Variants in RORA observed in about 807,000 individuals in gnomAD.
RORA encodes the protein RAR related orphan receptor A, also known as nuclear receptor ROR-alpha.
RORA carries 7 observed loss-of-function variants against 69.5 expected under a neutral mutation model. That is an observed-to-expected ratio of 0.10 (90% confidence interval 0.06 to 0.19). RORA has a LOEUF of 0.19. Among genes scored for constraint, RORA ranks in the 10% least tolerant of loss-of-function variants. The pLI is 1.00. For missense variants in RORA, 457 were observed against 663.0 expected (o/e 0.69, Z 3.41); for synonymous variants, 261 against 240.8 (o/e 1.08, Z -0.78).
At chr15:60,986,830 G>A (rs1288459589) in intron 1 of RORA, among the ~76,000 whole-genome samples, 1 of 152,214 alleles carries the variant, frequency 6.6e-6, no homozygotes, top group African/African-American at 2.4e-5. Flanking sequence ...CAACTTCCAC[G>A]TTTTCCTGAA....
chr15:60,722,960 C>G (rs1192888988), intron 1 of RORA, among the ~76,000 whole-genome samples: 1 of 152,074 alleles, frequency 6.6e-6, no homozygotes, highest in Non-Finnish European at 1.5e-5. Context: ...TGCCACTGAC[C>G]CTTGAGTTTA....
intron 2 of RORA, among the ~76,000 whole-genome samples, chr15:60,614,550 A>G (rs2069179509): frequency 6.6e-6 from 1 of 152,180 alleles, no homozygotes; most frequent in Non-Finnish European, 1.5e-5. Context: ...AAAGCATTCA[A>G]GGGTTTGGAA....
intron 3 of RORA, among the ~76,000 whole-genome samples, chr15:60,521,583 G>A (rs1245571932): frequency 1.3e-5 from 2 of 152,056 alleles, no homozygotes; most frequent in Non-Finnish European, 2.9e-5. Context: ...AAAGCTCCCC[G>A]AAGACTTTGA....
intron 1 of RORA, among the ~76,000 whole-genome samples, chr15:60,897,766 G>A (rs1237764565): frequency 6.6e-6 from 1 of 152,240 alleles, no homozygotes; most frequent in African/African-American, 2.4e-5. Context: ...TGGAACATGT[G>A]CAGTGTGAAA....
At chr15:60,941,434 G>A (rs1892693862) in intron 1 of RORA, among the ~76,000 whole-genome samples, 1 of 152,242 alleles carries the variant, frequency 6.6e-6, no homozygotes, top group Non-Finnish European at 1.5e-5. Flanking sequence ...GCCAAATCTG[G>A]CTTGTCCCAA....
At chr15:60,747,188 CT>C (rs1409034398) in intron 1 of RORA, among the ~76,000 whole-genome samples, 2 of 152,088 alleles carry the variant, frequency 1.3e-5, no homozygotes, top group African/African-American at 4.8e-5. Context: ...TATGGCCCAC[CT>C]CCCAGATAAC....
chr15:60,839,701 G>A (rs1181277749), intron 1 of RORA, among the ~76,000 whole-genome samples: 1 of 152,200 alleles, frequency 6.6e-6, no homozygotes, highest in Non-Finnish European at 1.5e-5. Context: ...ACTGGCTAGA[G>A]CACAGTGTAC....
At chr15:60,548,634 G>GTATTTATT (rs60500094) in intron 2 of RORA, among the ~76,000 whole-genome samples, 1 of 151,952 alleles carries the variant, frequency 6.6e-6, no homozygotes, top group South Asian at 2.1e-4. Flanking sequence ...TAGCATTAGT[G>GTATTTATT]TATTTATTTA....
chr15:60,922,748 A>C (rs1447299722), intron 1 of RORA, among the ~76,000 whole-genome samples: 1 of 152,226 alleles, frequency 6.6e-6, no homozygotes, highest in Non-Finnish European at 1.5e-5. Flanking sequence ...GGGTATTGTC[A>C]TGAAGCTTCC....
rs2071961774 is a variant in RORA, at chr15:60,764,948, C to CTG, written c.167-86264_167-86263dup. On this transcript the variant is annotated intron_variant, in intron 1 of 10. Coordinates refer to ENST00000335670, the MANE Select transcript of RORA (RefSeq NM_134261.3). The stretch of plus-strand genomic sequence containing the variant: ...GGCTTCTGTGCCTGGAACCAGAAGC[C>CTG]TGTCCTCTCGGTGGTATGCCTCCAC... 6.6e-5 allele frequency: 10 copies of CTG among 152,144 alleles called. 1 individual carries two copies. In the South Asian group the frequency reaches 1.9e-3, roughly 29 times the overall value. The allele number at this position is 152,144 out of a possible 1,614,324, so 9.4% of individuals were successfully genotyped here. A position where few individuals can be genotyped will look rare whatever the true frequency, so the allele number is the denominator to read the frequency against.
At chr15:61,088,992 C>T (rs1448051476) in intron 1 of RORA, among the ~76,000 whole-genome samples, 4 of 152,116 alleles carry the variant, frequency 2.6e-5, no homozygotes, top group Non-Finnish European at 5.9e-5. Context: ...AAACATCTGC[C>T]CCAGTGTCTA....
At chr15:60,998,548 C>T (rs146813818) in intron 1 of RORA, among the ~76,000 whole-genome samples, 93 of 152,222 alleles carry the variant, frequency 6.1e-4, no homozygotes, top group African/African-American at 1.7e-3. Flanking sequence ...CAGTCACATG[C>T]CACCACGCCC....
intron 2 of RORA, among the ~76,000 whole-genome samples, chr15:60,563,458 C>A (rs539576150): frequency 2.0e-5 from 3 of 152,270 alleles, no homozygotes; most frequent in Non-Finnish European, 2.9e-5. Flanking sequence ...AATTAGGGAA[C>A]CTTCATGAGA....
intron 1 of RORA, among the ~76,000 whole-genome samples, chr15:60,975,693 TGA>T (rs2140355552): frequency 6.6e-6 from 1 of 152,200 alleles, no homozygotes; most frequent in East Asian, 1.9e-4. Flanking sequence ...TGCGTATGTG[TGA>T]GGAGTCAGAG....
chr15:60,870,141 T>A lies in RORA; in HGVS notation c.167-191455A>T, dbSNP rs1215111798. ...ATAAGTTAATGAGCAAAGCAAAGGT[T>A]ATTCCGTTACTAGCCACAGCTGGCT... On this transcript the variant is annotated intron_variant, in intron 1 of 10. Coordinates refer to ENST00000335670, the MANE Select transcript of RORA (RefSeq NM_134261.3). Among the ~76,000 whole-genome samples, 3 of 152,348 alleles carry A rather than the reference T, an allele frequency of 2.0e-5. No homozygotes were observed. In the East Asian group the frequency reaches 5.8e-4, roughly 29 times the overall value.
At chr15:60,862,320 G>A (rs563036503) in intron 1 of RORA, among the ~76,000 whole-genome samples, 22 of 152,284 alleles carry the variant, frequency 1.4e-4, no homozygotes, top group South Asian at 1.2e-3. Flanking sequence ...TCTCAGAACC[G>A]TTTATGTGCT....
At chr15:60,632,249 G>C (rs2069754180) in intron 2 of RORA, among the ~76,000 whole-genome samples, 1 of 151,922 alleles carries the variant, frequency 6.6e-6, no homozygotes, top group South Asian at 2.1e-4. Context: ...GGGACTACAG[G>C]AACCTGCCAC....
chr15:60,803,013 A>G (rs1296721735), intron 1 of RORA, among the ~76,000 whole-genome samples: 1 of 152,240 alleles, frequency 6.6e-6, no homozygotes, highest in Non-Finnish European at 1.5e-5. Flanking sequence ...GACAACTCCA[A>G]CAAAAGAAAG....
intron 2 of RORA, among the ~76,000 whole-genome samples, chr15:60,629,280 G>T (rs1295892548): frequency 6.9e-6 from 1 of 144,136 alleles, no homozygotes; most frequent in Non-Finnish European, 1.5e-5. Flanking sequence ...TCCGCCTCCT[G>T]GGTTCAAGCG....
Sources: gnomAD v4.1 joint callset for allele counts (sites outside exome capture counted in the v4.1 genomes callset) on GRCh38, gnomAD v4.1.1 for gene constraint, MANE v1.5 for transcripts, NCBI Gene and HGNC (gene_info 2026-07-23, HGNC 2026-07-21) for gene names.